The following RAP1GAP2 variants were observed in gnomAD, a reference collection of about 807,000 sequenced individuals.
The protein encoded by RAP1GAP2 is RAP1 GTPase activating protein 2.
Under a neutral mutation model 95.0 loss-of-function variants are expected in RAP1GAP2, and 27 were observed. The ratio of observed to expected loss-of-function variants is 0.28; its 90% CI spans 0.21 to 0.39. The LOEUF (loss-of-function observed/expected upper bound fraction) is 0.39. RAP1GAP2 is among the 10% of genes least tolerant of loss of function. The probability of loss-of-function intolerance (pLI) is 1.00; values close to 1 mark genes in which losing one functional copy is unlikely to be tolerated. For missense variants in RAP1GAP2, 771 were observed against 970.0 expected, an observed-to-expected ratio of 0.79 and a Z score of 2.72; for synonymous variants, 373 against 380.9, an observed-to-expected ratio of 0.98 and a Z score of 0.24.
chr17:2,814,513 C>T (rs1195497207), intron 2 of RAP1GAP2, among the ~76,000 whole-genome samples: 1 of 152,156 alleles, frequency 6.6e-6, no homozygotes, highest in East Asian at 1.9e-4. Context: ...TTCCTTGTGC[C>T]CCTGGGGCAG....
rs185674602 is a variant in RAP1GAP2, at chr17:3,030,454, T to C, written c.2108-468T>C. 1.7e-3 allele frequency among the ~76,000 whole-genome samples: 266 copies of C among 152,342 alleles called. 3 individuals are homozygous for C. Among genetic ancestry groups the C allele is most frequent in the Admixed American group, 3.7e-3 (57 of 15,298 alleles). On this transcript the variant is annotated intron_variant, in intron 22 of 24. Coordinates refer to ENST00000254695, the MANE Select transcript of RAP1GAP2 (RefSeq NM_015085.5). ...ATCAATCAAGTCATGATTTGTAGCATGTACCAGTTTCTGTGGTGTAAATAC... is the reference window on the plus strand; with the variant it reads ...ATCAATCAAGTCATGATTTGTAGCACGTACCAGTTTCTGTGGTGTAAATAC...
In RAP1GAP2 at chr17:3,006,843, G is replaced by T. The variant is rs540251377; in HGVS notation, c.1359+802G>T. On this transcript the variant is annotated intron_variant, in intron 16 of 24. Coordinates refer to ENST00000254695, the MANE Select transcript of RAP1GAP2 (RefSeq NM_015085.5). Reference sequence around the variant, plus strand: ...CCTGGAGAGTACACAGGGTAGTCGGGGGGTGGGGCAGGGGGTCATTACTAA... The same window carrying T: ...CCTGGAGAGTACACAGGGTAGTCGGTGGGTGGGGCAGGGGGTCATTACTAA... Among the ~76,000 whole-genome samples the T allele has an allele frequency of 2.0e-5, 3 of 152,092 alleles. No homozygotes were observed. In the South Asian group the frequency reaches 6.2e-4, roughly 31 times the overall value.
intron 19 of RAP1GAP2, among the ~76,000 whole-genome samples, chr17:3,025,442 A>T (rs1487665875): frequency 2.0e-5 from 3 of 152,310 alleles, no homozygotes; most frequent in African/African-American, 7.2e-5. Context: ...CACTGTGGGC[A>T]CTGTCCATGG....
intron 2 of RAP1GAP2, among the ~76,000 whole-genome samples, chr17:2,842,389 G>C (rs2071403491): frequency 1.3e-5 from 2 of 152,006 alleles, no homozygotes; most frequent in Admixed American, 6.6e-5. Flanking sequence ...AATTAGCCAG[G>C]CGTGGTGGCA....
At chr17:3,017,248 CTGGTGGT>C (rs2046799159) in intron 17 of RAP1GAP2, among the ~76,000 whole-genome samples, 2 of 152,116 alleles carry the variant, frequency 1.3e-5, no homozygotes, top group Non-Finnish European at 2.9e-5. Context: ...CTTGACCTCC[CTGGTGGT>C]CCTCTCCTGG....
At chr17:2,954,090 A>G (rs189815691) in intron 3 of RAP1GAP2, among the ~76,000 whole-genome samples, 1 of 152,114 alleles carries the variant, frequency 6.6e-6, no homozygotes. Context: ...ATGGTCCTTT[A>G]TCTCTGACTT....
intron 3 of RAP1GAP2, among the ~76,000 whole-genome samples, chr17:2,935,880 G>C (rs2043292251): frequency 6.6e-6 from 1 of 152,052 alleles, no homozygotes; most frequent in Non-Finnish European, 1.5e-5. Flanking sequence ...AAAACCACAA[G>C]CAAGGAAGGA....
chr17:2,808,692 C>G (rs1360990895), intron 2 of RAP1GAP2, among the ~76,000 whole-genome samples: 1 of 152,238 alleles, frequency 6.6e-6, no homozygotes, highest in Non-Finnish European at 1.5e-5. Context: ...TAGATACCCT[C>G]CAGGTGGGTC....
In RAP1GAP2 at chr17:2,872,213, CA is replaced by C. The variant is rs562587177; in HGVS notation, c.81-33050del. Among the ~76,000 whole-genome samples the C allele has an allele frequency of 6.5e-3, 488 of 75,622 alleles. 3 individuals are homozygous for C. The highest frequency in any genetic ancestry group is 0.019 in the African/African-American group (384 of 20,474). 49.6% of individuals were successfully genotyped at this position (75,622 alleles called of 152,430 possible). A position where few individuals can be genotyped will look rare whatever the true frequency, so the allele number is the denominator to read the frequency against. On this transcript the variant is annotated intron_variant, in intron 2 of 24. Transcript: ENST00000254695. ...TGGATGACAGAATGAGCCTCTGTCTCAAAAAAAAAAAAAAAAAAAAAGGTGA... is the reference window on the plus strand; with the variant it reads ...TGGATGACAGAATGAGCCTCTGTCTCAAAAAAAAAAAAAAAAAAAAGGTGA...
chr17:2,910,923 TC>T (rs1369327555), intron 3 of RAP1GAP2, among the ~76,000 whole-genome samples: 1 of 152,182 alleles, frequency 6.6e-6, no homozygotes, highest in Non-Finnish European at 1.5e-5. Flanking sequence ...GGTCTCGAGC[TC>T]CTGACCTCAA....
In RAP1GAP2 at chr17:2,766,539, G is replaced by A. The variant is rs537812057; in HGVS notation, c.51-3790G>A. ...GCAGGAGAATTGCTTGAACCCAGGA[G>A]GTGGAGGTTGCTGTGAGCCGAGATC... On this transcript the variant is annotated intron_variant, in intron 1 of 25. Transcript: ENST00000637138. 2.9e-4 allele frequency among the ~76,000 whole-genome samples: 44 copies of A among 152,140 alleles called. No homozygotes were observed. In the East Asian group the frequency reaches 8.5e-3, roughly 29 times the overall value.
intron 3 of RAP1GAP2, among the ~76,000 whole-genome samples, chr17:2,912,488 G>A (rs763483164): frequency 2.6e-5 from 4 of 152,174 alleles, no homozygotes; most frequent in Non-Finnish European, 5.9e-5. Flanking sequence ...AAGGGAGGAG[G>A]CATTTGTGGG....
chr17:2,821,024 C>T (rs931200280), intron 2 of RAP1GAP2, among the ~76,000 whole-genome samples: 1 of 151,670 alleles, frequency 6.6e-6, no homozygotes, highest in African/African-American at 2.4e-5. Context: ...CATGAGCCAC[C>T]GCGTCCTGCC....
intron 2 of RAP1GAP2, among the ~76,000 whole-genome samples, chr17:2,882,829 G>A (rs1210219226): frequency 6.6e-6 from 1 of 152,220 alleles, no homozygotes; most frequent in African/African-American, 2.4e-5. Flanking sequence ...GGCCACGGGT[G>A]AGGGAAGTAG....
intron 1 of RAP1GAP2, among the ~76,000 whole-genome samples, chr17:2,778,101 A>G (rs1597288075): frequency 7.2e-6 from 1 of 139,008 alleles, no homozygotes; most frequent in Non-Finnish European, 1.5e-5. Flanking sequence ...GTCCCAGCAC[A>G]TCTTCTCGAC....
chr17:3,010,358 A>C (rs2046486547), intron 17 of RAP1GAP2, among the ~76,000 whole-genome samples: 1 of 151,132 alleles, frequency 6.6e-6, no homozygotes, highest in Admixed American at 6.6e-5. Flanking sequence ...AAAAAAAAAA[A>C]AAGAAAAGTT....
intron 8 of RAP1GAP2, among the ~76,000 whole-genome samples, chr17:2,970,414 A>T (rs1007881004): frequency 6.6e-6 from 1 of 152,170 alleles, no homozygotes; most frequent in African/African-American, 2.4e-5. Context: ...TTCTCAGATG[A>T]GATAGCTAGG....
Position 3,032,014 on chromosome 17 carries a change from CT to C in RAP1GAP2, c.2185-396del, listed in dbSNP as rs1218032061. ...CCTGAGCTCTCCAGACTATCGAGAG[CT>C]CCAGGCCCAGTTGTGAGGTGGGAAG... On this transcript the variant is annotated intron_variant, in intron 23 of 24. Coordinates refer to ENST00000254695, the MANE Select transcript of RAP1GAP2 (RefSeq NM_015085.5). Among the ~76,000 whole-genome samples the C allele has an allele frequency of 6.7e-3, 1,005 of 150,904 alleles. 12 individuals are homozygous for C. Among genetic ancestry groups the C allele is most frequent in the Non-Finnish European group, 0.01 (688 of 67,636 alleles).
At chr17:2,848,062 C>G (rs918225193) in intron 2 of RAP1GAP2, among the ~76,000 whole-genome samples, 1 of 152,196 alleles carries the variant, frequency 6.6e-6, no homozygotes, top group Non-Finnish European at 1.5e-5. Flanking sequence ...TCTACCCACT[C>G]TCCATAATCC....
Sources: allele counts gnomAD v4.1 joint callset (sites outside exome capture counted in the v4.1 genomes callset), GRCh38; gene constraint gnomAD v4.1.1; transcripts MANE v1.5; gene names NCBI Gene and HGNC (gene_info 2026-07-23, HGNC 2026-07-21).